CDHR3: variants seen among roughly 807,000 people sequenced by gnomAD.
CDHR3 encodes the protein cadherin related family member 3, also known as cadherin-related family member 3.
Under a neutral mutation model 86.6 loss-of-function variants are expected in CDHR3, and 79 were observed. The observed-to-expected ratio is 0.91, with a 90% confidence interval of 0.76 to 1.10. The LOEUF (loss-of-function observed/expected upper bound fraction) is 1.10. CDHR3 is among the 50% of genes least tolerant of loss of function. The probability of loss-of-function intolerance (pLI) is 0.00; values close to 1 mark genes in which losing one functional copy is unlikely to be tolerated. For missense variants in CDHR3, 1,081 were observed against 1,077.6 expected, an observed-to-expected ratio of 1.00 and a Z score of -0.04; for synonymous variants, 421 against 402.4, an observed-to-expected ratio of 1.05 and a Z score of -0.55.
intron 17 of CDHR3, among the ~76,000 whole-genome samples, chr7:106,029,172 G>A (rs1363928562): frequency 1.3e-5 from 2 of 151,992 alleles, no homozygotes; most frequent in Non-Finnish European, 2.9e-5. Flanking sequence ...GTAGAGATGG[G>A]GTTTCACCAT....
At chr7:105,985,343 AAAG>A (rs1830374597) in intron 4 of CDHR3, among the ~76,000 whole-genome samples, 1 of 152,184 alleles carries the variant, frequency 6.6e-6, no homozygotes, top group South Asian at 2.1e-4. Context: ...TGGAGAGAAA[AAAG>A]AAAAAACAAA....
intron 13 of CDHR3, 98 bp downstream of exon 13, chr7:106,020,642 G>A: frequency 7.3e-7 from 1 of 1,361,226 alleles, no homozygotes; most frequent in East Asian, 2.3e-5. Context: ...TGGGCAAAGT[G>A]GGATGGGAGT....
intron 12 of CDHR3, 120 bp from the exon 13 acceptor site, chr7:106,020,253 A>G (rs890090799): frequency 2.5e-6 from 2 of 785,868 alleles, no homozygotes; most frequent in African/African-American, 3.5e-5. Context: ...CATGTTAGCT[A>G]TCTCATGTGA....
intron 1 of CDHR3, among the ~76,000 whole-genome samples, chr7:105,970,170 CAAG>C (rs1367537448): frequency 6.6e-6 from 1 of 151,052 alleles, no homozygotes; most frequent in Non-Finnish European, 1.5e-5. Context: ...AGCTACACCC[CAAG>C]AAGAAGATGG....
Position 106,030,720 on chromosome 7 carries a change from T to G in CDHR3, c.2305-72T>G. The G allele has an allele frequency of 1.7e-5, 25 of 1,445,632 alleles. No individual in the cohort carries two copies. Among genetic ancestry groups the G allele is most frequent in the Non-Finnish European group, 2.2e-5 (23 of 1,044,390 alleles). The allele number at this position is 1,445,632 out of a possible 1,614,324, so 89.6% of individuals were successfully genotyped here. A position where few individuals can be genotyped will look rare whatever the true frequency, so the allele number is the denominator to read the frequency against. On this transcript the variant is annotated intron_variant, in intron 17 of 18. Coordinates refer to ENST00000317716, the MANE Select transcript of CDHR3 (RefSeq NM_152750.5). This position sits in a 1 kb window ranked among gnomAD's most constrained non-coding sequence, Gnocchi z 4.8. ...GGCTTTGGTTAAGGAACTTGGGTTG[T>G]GAGGATGTGTAGCTTTGCCTGGGGG...
At chr7:105,989,220 C>CTA (rs1554516517) in intron 4 of CDHR3, among the ~76,000 whole-genome samples, 2 of 143,824 alleles carry the variant, frequency 1.4e-5, no homozygotes, top group Admixed American at 7.0e-5. Context: ...GTACCCACCC[C>CTA]CCCACCTCTT....
intron 17 of CDHR3, among the ~76,000 whole-genome samples, chr7:106,028,916 T>TTTTCTTTCTTTCTTTCTTTCTTTCTTTC (rs1167671014): frequency 6.0e-5 from 5 of 83,082 alleles, no homozygotes; most frequent in African/African-American, 4.3e-5. Context: ...GAGATTTAAA[T>TTTTCTTTCTTTCTTTCTTTCTTTCTTTC]TTTCTTTCTT....
chr7:106,028,655 G>A, intron 17 of CDHR3, 73 bp downstream of exon 17: 1 of 1,509,448 alleles, frequency 6.6e-7, no homozygotes, highest in African/African-American at 1.4e-5. Flanking sequence ...CCGAAGGCAG[G>A]CCTGCCACAG....
chr7:106,028,502 C>T, intron 16 of CDHR3, 49 bp from the exon 17 acceptor site: 1 of 1,609,076 alleles, frequency 6.2e-7, no homozygotes, highest in Non-Finnish European at 8.5e-7. Context: ...ATTTTAAGGT[C>T]AATTTACCAC....
chr7:105,979,351 A>G (rs41269), intron 2 of CDHR3, among the ~76,000 whole-genome samples: 133,071 of 152,060 alleles, frequency 0.88, 58,836 homozygotes, highest in South Asian at 0.95. Context: ...TCTGTTCACC[A>G]GTAGACACAA....
chr7:106,033,220 G>A lies in CDHR3; in HGVS notation c.*523G>A, dbSNP rs1244937523. 6.5e-6 allele frequency: 1 copy of A among 153,564 alleles called. No homozygotes were observed. Among genetic ancestry groups the A allele is most frequent in the African/African-American group, 2.4e-5 (1 of 41,456 alleles). The allele number at this position is 153,564 out of a possible 1,614,324, so 9.5% of individuals were successfully genotyped here. A position where few individuals can be genotyped will look rare whatever the true frequency, so the allele number is the denominator to read the frequency against. On this transcript the variant is annotated 3_prime_UTR_variant, in exon 19 of 19. Transcript: ENST00000317716. The stretch of plus-strand genomic sequence containing the variant: ...AAAAAAACAGATGAGTAAGTTAAGA[G>A]TTGGTCATCTGGAAAGAAGAAAACT...
intron 2 of CDHR3, among the ~76,000 whole-genome samples, chr7:105,980,729 C>T (rs1248022924): frequency 1.3e-5 from 2 of 150,564 alleles, no homozygotes; most frequent in African/African-American, 4.9e-5. Flanking sequence ...CAGAAGGTCT[C>T]CTGACTATTT....
intron 14 of CDHR3, 57 bp from the exon 15 acceptor site, chr7:106,024,323 CT>C: frequency 6.9e-7 from 1 of 1,449,922 alleles, no homozygotes; most frequent in African/African-American, 1.4e-5. Context: ...CGAGAGAGTG[CT>C]GAATGTCAAA....
chr7:105,980,623 A>ATTTTT (rs55880404), intron 2 of CDHR3, among the ~76,000 whole-genome samples: 4 of 108,140 alleles, frequency 3.7e-5, no homozygotes, highest in African/African-American at 7.5e-5. Flanking sequence ...TTTTTTTTTA[A>ATTTTT]TTTTTTTTTT....
chr7:105,974,852 G>T lies in CDHR3; in HGVS notation c.55G>T (p.Ala19Ser), dbSNP rs768185199. 3 of 1,613,110 alleles carry T rather than the reference G, an allele frequency of 1.9e-6. No homozygotes were observed. Among genetic ancestry groups the T allele is most frequent in the Non-Finnish European group, 2.5e-6 (3 of 1,179,578 alleles). Residue 19 changes from alanine to serine, a missense_variant, in exon 2 of 19, where the codon GCA becomes TCA. Ala to Ser is a moderately conservative substitution (Grantham distance 99). Coordinates refer to ENST00000317716, the MANE Select transcript of CDHR3 (RefSeq NM_152750.5). ...ALLGAMSGGE[A>S]LHLILLPATG... ...CCCTTTTTACTCCACAGGGGGAGAA[G>T]CACTACACCTAATCCTCTTACCTGC...
chr7:105,965,945 G>C (rs1563219855), intron 1 of CDHR3, among the ~76,000 whole-genome samples: 1 of 152,230 alleles, frequency 6.6e-6, no homozygotes, highest in Admixed American at 6.5e-5. Flanking sequence ...TAGAGCTTTA[G>C]ATCTTCTTCC....
chr7:106,029,761 A>T (rs1838054145), intron 17 of CDHR3, among the ~76,000 whole-genome samples: 1 of 152,210 alleles, frequency 6.6e-6, no homozygotes, highest in Non-Finnish European at 1.5e-5. Context: ...TTTTGGCTTC[A>T]GGCACATCCA....
chr7:105,982,359 C>T (rs1042958803), intron 3 of CDHR3, among the ~76,000 whole-genome samples: 8 of 150,432 alleles, frequency 5.3e-5, no homozygotes, highest in African/African-American at 2.0e-4. Context: ...GTCCCAGCTA[C>T]TCAGGAGGCT....
chr7:106,029,007 T>C lies in CDHR3; in HGVS notation c.2304+425T>C, dbSNP rs1017054450. The stretch of plus-strand genomic sequence containing the variant: ...TTCTTTCTTTCTTTTTAAGACACAG[T>C]TTCACTCTGTTGCTCAGGCTGGAGT... On this transcript the variant is annotated intron_variant, in intron 17 of 18. Transcript: ENST00000317716. 2.0e-5 allele frequency among the ~76,000 whole-genome samples: 3 copies of C among 147,502 alleles called. No individual in the cohort carries two copies. In the Admixed American group the frequency reaches 2.1e-4, roughly 10 times the overall value.
Sources: allele counts gnomAD v4.1 joint callset (sites outside exome capture counted in the v4.1 genomes callset), GRCh38; gene constraint gnomAD v4.1.1; non-coding constraint Gnocchi (gnomAD v3.1); transcripts MANE v1.5; gene names NCBI Gene and HGNC (gene_info 2026-07-23, HGNC 2026-07-21).